KRAS: variants seen among roughly 807,000 people sequenced by gnomAD.
KRAS encodes KRas proto-oncogene, GTPase, also known as GTPase KRas.
In KRAS, 1 loss-of-function variant was observed where a neutral mutation model predicts 21.0. The observed-to-expected ratio is 0.05, with a 90% CI of 0.02 to 0.23. The LOEUF (loss-of-function observed/expected upper bound fraction) is 0.23, where lower values mean the gene tolerates loss of function less well. Among genes scored for constraint, KRAS ranks in the 10% least tolerant of loss-of-function variants. The probability of loss-of-function intolerance (pLI) is 1.00; values close to 1 mark genes in which losing one functional copy is unlikely to be tolerated. For missense variants in KRAS, 107 were observed against 221.8 expected, an observed-to-expected ratio of 0.48 and a Z score of 3.29; for synonymous variants, 67 against 72.5, an observed-to-expected ratio of 0.92 and a Z score of 0.39.
rs530199315 is a variant in KRAS, at chr12:25,238,372, T to G, written c.111+6902A>C. Among the ~76,000 whole-genome samples, 53 of 152,340 alleles carry G rather than the reference T, an allele frequency of 3.5e-4. No homozygotes were observed. The East Asian group carries it at 5.4e-3, about 16-fold the overall frequency. ...AATGAGAGGCTGGAATGACCGTGGA[T>G]CCAATCTTAATGCCAATATAATGTT... On this transcript the variant is annotated intron_variant, in intron 2 of 4. Transcript: ENST00000311936.
intron 4 of KRAS, among the ~76,000 whole-genome samples, chr12:25,217,875 C>T (rs1227343578): frequency 1.3e-5 from 2 of 152,138 alleles, no homozygotes; most frequent in African/African-American, 4.8e-5. Flanking sequence ...GTCTGGGCAA[C>T]AGAGCAAGAC....
intron 2 of KRAS, among the ~76,000 whole-genome samples, chr12:25,242,998 A>C (rs1003484622): frequency 3.9e-5 from 6 of 152,338 alleles, no homozygotes; most frequent in African/African-American, 1.4e-4. Context: ...AAATTTTTAA[A>C]AAATTTATTT....
At chr12:25,212,927 CTCTT>C (rs1382914768) in intron 4 of KRAS, among the ~76,000 whole-genome samples, 59 of 152,100 alleles carry the variant, frequency 3.9e-4, no homozygotes, top group Non-Finnish European at 7.5e-4. Context: ...GAGATGGAGT[CTCTT>C]TCTGTTGCCT....
intron 2 of KRAS, among the ~76,000 whole-genome samples, chr12:25,239,414 G>A (rs1369941011): frequency 6.6e-6 from 1 of 152,268 alleles, no homozygotes; most frequent in East Asian, 1.9e-4. Flanking sequence ...GATGAGAAAG[G>A]AGTCTCACTT....
At chr12:25,233,960 AAATG>A (rs1445704766) in intron 2 of KRAS, 3 of 193,210 alleles carry the variant, frequency 1.6e-5, no homozygotes, top group African/African-American at 4.6e-5. Context: ...TACATATTTG[AAATG>A]AATGTTCACG....
chr12:25,229,803 C>G (rs567985384), intron 2 of KRAS, among the ~76,000 whole-genome samples: 39 of 145,668 alleles, frequency 2.7e-4, no homozygotes, highest in South Asian at 1.7e-3. Flanking sequence ...GAGTCTCGCT[C>G]TGTCGCCCAG....
chr12:25,241,798 A>T (rs1951613500), intron 2 of KRAS, among the ~76,000 whole-genome samples: 1 of 152,178 alleles, frequency 6.6e-6, no homozygotes, highest in Admixed American at 6.5e-5. Flanking sequence ...AAGTTGTGGC[A>T]ACCAAAAACA....
At chr12:25,213,608 G>A (rs1951222395) in intron 4 of KRAS, among the ~76,000 whole-genome samples, 1 of 152,166 alleles carries the variant, frequency 6.6e-6, no homozygotes, top group Admixed American at 6.5e-5. Flanking sequence ...ACACCACGTA[G>A]TATCTTTTGG....
chr12:25,239,032 T>C (rs1472583914), intron 2 of KRAS, among the ~76,000 whole-genome samples: 1 of 152,250 alleles, frequency 6.6e-6, no homozygotes. Flanking sequence ...AGGCGCACAC[T>C]TCTCCATACC....
chr12:25,230,621 T>G (rs1271743751), intron 2 of KRAS, among the ~76,000 whole-genome samples: 1 of 152,098 alleles, frequency 6.6e-6, no homozygotes, highest in Non-Finnish European at 1.5e-5. Context: ...ACAGCAAAAC[T>G]CTGTCCCAAA....
chr12:25,245,408 A>G lies in KRAS; in HGVS notation c.-11-13T>C. 1 of 1,587,556 alleles carries G rather than the reference A, an allele frequency of 6.3e-7. No individual in the cohort carries two copies. ...ATTTTCAGCAGGCCTTATAATAAAA[A>G]TAATGAAAATGTGACTATATTAGAA... On this transcript the variant is annotated splice_polypyrimidine_tract_variant and intron_variant, in intron 1 of 4. Coordinates refer to ENST00000311936, the MANE Select transcript of KRAS (RefSeq NM_004985.5).
At chr12:25,242,047 T>C (rs1951616508) in intron 2 of KRAS, among the ~76,000 whole-genome samples, 2 of 152,100 alleles carry the variant, frequency 1.3e-5, no homozygotes, top group Non-Finnish European at 2.9e-5. Flanking sequence ...AAAATAAAAA[T>C]TAAAATAAAC....
rs1056566060 is a variant in KRAS, at chr12:25,208,802, C to G, written c.*993G>C. Reference sequence around the variant, plus strand: ...AAGGTTCACACAGGGCCTGGCCTTGCAACCTTGGTCTCTTCAACACCTAAT... The same window carrying G: ...AAGGTTCACACAGGGCCTGGCCTTGGAACCTTGGTCTCTTCAACACCTAAT... On this transcript the variant is annotated 3_prime_UTR_variant, in exon 5 of 5. Transcript: ENST00000311936. 7 of 233,896 alleles carry G rather than the reference C, an allele frequency of 3.0e-5. No individual in the cohort carries two copies. The highest frequency in any genetic ancestry group is 1.5e-4 in the African/African-American group (7 of 45,320). The allele number at this position is 233,896 out of a possible 1,614,324, so 14.5% of individuals were successfully genotyped here. A position where few individuals can be genotyped will look rare whatever the true frequency, so the allele number is the denominator to read the frequency against.
chr12:25,250,079 A>G (rs1307419979), intron 1 of KRAS, among the ~76,000 whole-genome samples: 1 of 151,558 alleles, frequency 6.6e-6, no homozygotes, highest in African/African-American at 2.4e-5. Context: ...GGAGGGGAGC[A>G]TTCAGGAACT....
chr12:25,235,078 T>C (rs1304757985), intron 2 of KRAS: 1 of 385,686 alleles, frequency 2.6e-6, no homozygotes, highest in Admixed American at 4.3e-5. Flanking sequence ...CCATCTTCAT[T>C]CTGCCAATTC....
intron 2 of KRAS, among the ~76,000 whole-genome samples, chr12:25,237,101 C>T (rs892303318): frequency 6.6e-6 from 1 of 152,118 alleles, no homozygotes; most frequent in Non-Finnish European, 1.5e-5. Flanking sequence ...AAAACATAGA[C>T]GAACTCTGAA....
At chr12:25,240,022 T>C (rs1951591615) in intron 2 of KRAS, among the ~76,000 whole-genome samples, 1 of 152,046 alleles carries the variant, frequency 6.6e-6, no homozygotes, top group Non-Finnish European at 1.5e-5. Flanking sequence ...AGGGACACAC[T>C]ACCTACCTTA....
chr12:25,221,179 C>T (rs1951319907), intron 4 of KRAS, among the ~76,000 whole-genome samples: 2 of 151,870 alleles, frequency 1.3e-5, no homozygotes, highest in South Asian at 2.1e-4. Flanking sequence ...ACTAAAGTTA[C>T]CCAGAGAATT....
At chr12:25,230,054 G>T (rs1377639575) in intron 2 of KRAS, among the ~76,000 whole-genome samples, 1 of 152,158 alleles carries the variant, frequency 6.6e-6, no homozygotes, top group African/African-American at 2.4e-5. Context: ...TTACAGGCAT[G>T]AGCCACTGCG....
Sources: allele counts gnomAD v4.1 joint callset (sites outside exome capture counted in the v4.1 genomes callset), GRCh38; gene constraint gnomAD v4.1.1; transcripts MANE v1.5; gene names NCBI Gene and HGNC (gene_info 2026-07-23, HGNC 2026-07-21).